The following SLC15A5 variants were observed in gnomAD, a reference collection of about 807,000 sequenced individuals.
SLC15A5 encodes solute carrier family 15 member 5, also known as Peptide/histidine transporter ENSP00000340402.
SLC15A5 carries 58 observed loss-of-function variants against 56.1 expected under a neutral mutation model. That is an observed-to-expected ratio of 1.03 (90% confidence interval 0.84 to 1.29). The LOEUF is 1.29. Among genes scored for constraint, SLC15A5 ranks in the 50% most tolerant of loss-of-function variants. The pLI is 0.00. For synonymous variants in SLC15A5, 264 were observed against 250.5 expected, an observed-to-expected ratio of 1.05 and a Z score of -0.51; for missense variants, 681 against 672.1, an observed-to-expected ratio of 1.01 and a Z score of -0.15.
chr12:16,272,927 G>C (rs977578650), intron 1 of SLC15A5, 144 bp from the exon 2 acceptor site: 1 of 742,422 alleles, frequency 1.3e-6, no homozygotes, highest in South Asian at 1.9e-5. Context: ...TGCAATTTCA[G>C]GGATAGCCTG....
chr12:16,246,291 G>A (rs1864460461), intron 3 of SLC15A5, among the ~76,000 whole-genome samples: 1 of 152,184 alleles, frequency 6.6e-6, no homozygotes, highest in Admixed American at 6.6e-5. Flanking sequence ...GCCAAGATTT[G>A]TTTCTCTTAG....
intron 5 of SLC15A5, among the ~76,000 whole-genome samples, chr12:16,226,156 C>G (rs957408882): frequency 2.6e-5 from 4 of 152,170 alleles, no homozygotes; most frequent in African/African-American, 4.8e-5. Context: ...TTGCACATAA[C>G]CTATGCTCCT....
At chr12:16,197,420 A>G (rs1355651383) in intron 7 of SLC15A5, among the ~76,000 whole-genome samples, 2 of 110,966 alleles carry the variant, frequency 1.8e-5, no homozygotes, top group East Asian at 2.7e-4. Flanking sequence ...AGAATTGGGT[A>G]TAAAAAGATA....
Position 16,189,783 on chromosome 12 carries a change from T to C in SLC15A5, c.1625A>G (p.Asn542Ser). The change falls in exon 9 of 9, where the codon AAC (asparagine) becomes AGC (serine). Residue 542 changes from asparagine (N) to serine (S), a missense_variant. Physicochemically the swap from Asn to Ser is conservative, Grantham distance 46. Coordinates refer to ENST00000344941, the MANE Select transcript of SLC15A5 (RefSeq NM_001170798.1). ...YCNLNHFNAQ[N>S]IRGSNLEETL... Reference sequence around the variant, plus strand: ...TTCTTCAAGATTACTTCCACGGATGTTCTGGGCATTAAAATGATTTAGATT... The same window carrying C: ...TTCTTCAAGATTACTTCCACGGATGCTCTGGGCATTAAAATGATTTAGATT... The C allele has an allele frequency of 6.6e-7, 1 of 1,519,396 alleles. No individual in the cohort carries two copies. Among genetic ancestry groups the C allele is most frequent in the African/African-American group, 1.4e-5 (1 of 72,136 alleles). The allele number at this position is 1,519,396 out of a possible 1,614,324, so 94.1% of individuals were successfully genotyped here.
chr12:16,253,068 G>A (rs1864535375), intron 3 of SLC15A5, among the ~76,000 whole-genome samples: 1 of 152,076 alleles, frequency 6.6e-6, no homozygotes, highest in South Asian at 2.1e-4. Flanking sequence ...AAATAGGGCG[G>A]GGTAAATCGG....
intron 5 of SLC15A5, among the ~76,000 whole-genome samples, chr12:16,231,335 TA>T (rs1185816479): frequency 2.6e-5 from 4 of 151,926 alleles, no homozygotes; most frequent in Admixed American, 6.6e-5. Flanking sequence ...TTGGAAAAGG[TA>T]AAAAGTCAGA....
At chr12:16,217,895 A>T (rs1475239056) in intron 6 of SLC15A5, among the ~76,000 whole-genome samples, 1 of 152,158 alleles carries the variant, frequency 6.6e-6, no homozygotes, top group Admixed American at 6.6e-5. Flanking sequence ...AGGTTAAAAA[A>T]ACCACGAAAA....
Position 16,277,658 on chromosome 12 carries a change from C to T in SLC15A5, c.28G>A (p.Asp10Asn), listed in dbSNP as rs145357445. 519 of 1,535,232 alleles carry T rather than the reference C, an allele frequency of 3.4e-4. 6 individuals carry two copies. The East Asian group carries it at 0.012, about 37-fold the overall frequency. ...CTGTGATATAAGTGTACTTTCTCAT[C>T]AGTTATGGTAAAGCCTGTAACAGAC... MSVTGFTIT[D>N]EKVHLYHSIE... The change falls in exon 1 of 9, where the codon GAT becomes AAT. Residue 10 changes from aspartate (D) to asparagine (N), a missense_variant. Coordinates refer to ENST00000344941, the MANE Select transcript of SLC15A5 (RefSeq NM_001170798.1).
chr12:16,234,066 G>C lies in SLC15A5; in HGVS notation c.1162+5615C>G, dbSNP rs77896532. The stretch of plus-strand genomic sequence containing the variant: ...AATTTCTTTTCTCACAGTTCTAAAA[G>C]CTGGAAAATTCAAGGACAAGGTGCT... On this transcript the variant is annotated intron_variant, in intron 5 of 8. Coordinates refer to ENST00000344941, the MANE Select transcript of SLC15A5 (RefSeq NM_001170798.1). 5.6e-3 allele frequency among the ~76,000 whole-genome samples: 860 copies of C among 152,266 alleles called. 52 individuals carry two copies. In the East Asian group the frequency reaches 0.12, roughly 22 times the overall value.
Position 16,189,677 on chromosome 12 carries a change from T to C in SLC15A5, c.1731A>G (p.Thr577=), listed in dbSNP as rs1196620583. The C allele has an allele frequency of 2.0e-6, 3 of 1,509,766 alleles. No homozygotes were observed. The highest frequency in any genetic ancestry group is 4.3e-5 in the Admixed American group (2 of 46,068). The allele number at this position is 1,509,766 out of a possible 1,614,324, so 93.5% of individuals were successfully genotyped here. The part of the protein sequence containing the change: ...EFSSSIDLWE[T]AL ...AGACTCAAACACAGTTTCATAGGGC[T>C]GTCTCCCAAAGATCAATACTTGAAG... The change falls in exon 9 of 9, where the codon ACA becomes ACG. Residue 577 remains threonine (T), a synonymous_variant. Transcript: ENST00000344941.
intron 7 of SLC15A5, among the ~76,000 whole-genome samples, chr12:16,195,420 A>G (rs1555169720): frequency 6.6e-6 from 1 of 152,144 alleles, no homozygotes; most frequent in Non-Finnish European, 1.5e-5. Flanking sequence ...TTTACATTGC[A>G]CTACAGAATG....
rs150013776 is a variant in SLC15A5, at chr12:16,260,742, T to G, written c.585-2872A>C. Among the ~76,000 whole-genome samples, 1,215 of 140,678 alleles carry G rather than the reference T, an allele frequency of 8.6e-3. 8 individuals carry two copies. The highest frequency in any genetic ancestry group is 0.015 in the Middle Eastern group (4 of 268). The allele number at this position is 140,678 out of a possible 152,430, so 92.3% of individuals were successfully genotyped here. On this transcript the variant is annotated intron_variant, in intron 2 of 8. Coordinates refer to ENST00000344941, the MANE Select transcript of SLC15A5 (RefSeq NM_001170798.1). ...GTAAAGAATACTTTCTAAACCTAAG[T>G]CACAAGTATTTTCCCGTTTTTTTTT...
At chr12:16,228,933 G>A (rs751492046) in intron 5 of SLC15A5, among the ~76,000 whole-genome samples, 2 of 152,130 alleles carry the variant, frequency 1.3e-5, no homozygotes, top group Non-Finnish European at 2.9e-5. Flanking sequence ...ATTTTTGACT[G>A]TGTGGGGCTT....
intron 3 of SLC15A5, among the ~76,000 whole-genome samples, chr12:16,250,599 G>A (rs1442533976): frequency 1.3e-5 from 2 of 151,928 alleles, no homozygotes; most frequent in African/African-American, 2.4e-5. Flanking sequence ...GCGAAAGTAC[G>A]CAATGAAGAT....
At chr12:16,259,405 C>G (rs1864617231) in intron 2 of SLC15A5, among the ~76,000 whole-genome samples, 1 of 151,600 alleles carries the variant, frequency 6.6e-6, no homozygotes, top group Non-Finnish European at 1.5e-5. Context: ...TTCCTTCGTC[C>G]CTCCCTCCCC....
intron 7 of SLC15A5, among the ~76,000 whole-genome samples, chr12:16,215,609 G>C (rs1277600913): frequency 6.6e-6 from 1 of 152,074 alleles, no homozygotes; most frequent in Non-Finnish European, 1.5e-5. Context: ...CGTTCACACA[G>C]TTAGCTAACA....
chr12:16,199,328 A>G (rs941522023), intron 7 of SLC15A5, among the ~76,000 whole-genome samples: 2 of 142,288 alleles, frequency 1.4e-5, no homozygotes, highest in South Asian at 2.2e-4. Flanking sequence ...AAAAAAAAGG[A>G]TGCATGTTTT....
rs566988604 is a variant in SLC15A5, at chr12:16,244,902, A to G, written c.755-102T>C. On this transcript the variant is annotated intron_variant, in intron 3 of 8. Coordinates refer to ENST00000344941, the MANE Select transcript of SLC15A5 (RefSeq NM_001170798.1). Reference sequence around the variant, plus strand: ...ACGATTCAAGGATTCACGGCAGTGAAGTGAGAAAGTTTTTAGCACCCAAGG... The same window carrying G: ...ACGATTCAAGGATTCACGGCAGTGAGGTGAGAAAGTTTTTAGCACCCAAGG... The G allele has an allele frequency of 5.5e-6, 7 of 1,276,738 alleles. No homozygotes were observed. In the African/African-American group the frequency reaches 8.9e-5, roughly 16 times the overall value. 79.1% of individuals were successfully genotyped at this position (1,276,738 alleles called of 1,614,324 possible).
At position 16,243,737 on chromosome 12, in the gene SLC15A5, C is replaced by T. The variant is rs532740449; in HGVS notation, c.975+843G>A. ...TTACACTACTATTAACTGTGACCTA[C>T]GGTGCCTCACCTCTACCAAAAGAAA... On this transcript the variant is annotated intron_variant, in intron 4 of 8. Coordinates refer to ENST00000344941, the MANE Select transcript of SLC15A5 (RefSeq NM_001170798.1). This position sits in a 1 kb window ranked among gnomAD's most constrained non-coding sequence, Gnocchi z 4.4. Among the ~76,000 whole-genome samples the T allele has an allele frequency of 3.0e-4, 45 of 152,234 alleles. No individual in the cohort carries two copies. Among genetic ancestry groups the T allele is most frequent in the Admixed American group, 7.8e-4 (12 of 15,292 alleles).
Sources: allele counts gnomAD v4.1 joint callset (sites outside exome capture counted in the v4.1 genomes callset), GRCh38; gene constraint gnomAD v4.1.1; non-coding constraint Gnocchi (gnomAD v3.1); transcripts MANE v1.5; gene names NCBI Gene and HGNC (gene_info 2026-07-23, HGNC 2026-07-21).